AGBL5: variants seen among roughly 807,000 people sequenced by gnomAD.
AGBL5 encodes the protein cytosolic carboxypeptidase-like protein 5.
AGBL5 carries 51 observed loss-of-function variants against 88.0 expected under a neutral mutation model. That is an observed-to-expected ratio of 0.58 (90% confidence interval 0.46 to 0.73). The LOEUF (loss-of-function observed/expected upper bound fraction) is 0.73. Among genes scored for constraint, AGBL5 ranks in the 30% least tolerant of loss-of-function variants. The pLI, the probability that AGBL5 is intolerant of heterozygous loss-of-function variation, is 0.00. For missense variants in AGBL5, 1,031 were observed against 1,162.2 expected (o/e 0.89, Z 1.64); for synonymous variants, 446 against 438.8 (o/e 1.02, Z -0.21).
chr2:27,057,119 G>C, intron 8 of AGBL5, 184 bp from the exon 9 acceptor site: 1 of 624,522 alleles, frequency 1.6e-6, no homozygotes. Context: ...TCTACCTTGG[G>C]GGGACTCTCT....
intron 9 of AGBL5, 92 bp from the exon 10 acceptor site, chr2:27,058,308 C>T: frequency 6.9e-7 from 1 of 1,447,974 alleles, no homozygotes; most frequent in Non-Finnish European, 9.7e-7. Flanking sequence ...GGTCTGGCCC[C>T]TCCTTCCCTT....
At chr2:27,068,114 G>A (rs1237156146) in intron 12 of AGBL5, among the ~76,000 whole-genome samples, 2 of 152,158 alleles carry the variant, frequency 1.3e-5, no homozygotes, top group Non-Finnish European at 2.9e-5. Context: ...AGAAAGGGAT[G>A]GGAATGATTT....
chr2:27,068,946 C>T, intron 13 of AGBL5: 1 of 1,495,544 alleles, frequency 6.7e-7, no homozygotes, highest in Non-Finnish European at 8.9e-7. Flanking sequence ...AGGTCATTTG[C>T]TTGCTTTCAA....
chr2:27,068,566 G>T, intron 12 of AGBL5, 66 bp from the exon 13 acceptor site: 2 of 1,442,650 alleles, frequency 1.4e-6, no homozygotes, highest in South Asian at 2.4e-5. Flanking sequence ...AAGAAACCCT[G>T]ATCCTTTGGA....
chr2:27,051,598 A>T (rs948384067), upstream of AGBL5: 1 of 152,266 alleles, frequency 6.6e-6, no homozygotes, highest in Non-Finnish European at 1.5e-5. Context: ...GACCAATGGT[A>T]GCGAGCTTTA....
At chr2:27,067,035 A>G (rs1298774583) in intron 11 of AGBL5, among the ~76,000 whole-genome samples, 1 of 151,862 alleles carries the variant, frequency 6.6e-6, no homozygotes, top group Non-Finnish European at 1.5e-5. Context: ...GTGAACCAAG[A>G]TCGCACCACC....
intron 11 of AGBL5, among the ~76,000 whole-genome samples, chr2:27,066,234 C>CAAAA (rs5830033): frequency 2.4e-5 from 2 of 84,432 alleles, no homozygotes; most frequent in African/African-American, 4.3e-5. Context: ...ACCCTGTCTC[C>CAAAA]AAAAAAAAAA....
intron 11 of AGBL5, among the ~76,000 whole-genome samples, chr2:27,060,091 G>C (rs916344181): frequency 2.0e-5 from 3 of 152,384 alleles, no homozygotes; most frequent in Non-Finnish European, 2.9e-5. Context: ...AGAAGTTGCA[G>C]TGAGCCAAGA....
At chr2:27,056,954 C>T in intron 8 of AGBL5, 162 bp downstream of exon 8, 1 of 690,800 alleles carries the variant, frequency 1.4e-6, no homozygotes, top group Non-Finnish European at 2.2e-6. Context: ...CGAGATCGTG[C>T]CATTGCACTC....
In AGBL5 at chr2:27,055,197, C is replaced by G. The variant is rs373322749; in HGVS notation, c.852C>G (p.Phe284Leu). The G allele has an allele frequency of 1.3e-5, 21 of 1,614,074 alleles. No homozygotes were observed. The highest frequency in any genetic ancestry group is 1.8e-5 in the Non-Finnish European group (21 of 1,180,038). Residue 284 changes from phenylalanine to leucine, a missense_variant, in exon 6 of 15, where the codon TTC becomes TTG. Around this residue, in one of 2 missense-constraint regions of AGBL5, gnomAD observed 540 missense variants for 678.2 expected, o/e 0.80. Coordinates refer to ENST00000360131, the MANE Select transcript of AGBL5 (RefSeq NM_021831.6). The part of the protein sequence containing the change: ...DPRAQTLRRL[F>L]VFKLIPMLNP... ...GGGCCCAAACCCTCCGTCGCCTCTTCGTCTTTAAGCTGATTCCCATGTTGA... is the reference window on the plus strand; with the variant it reads ...GGGCCCAAACCCTCCGTCGCCTCTTGGTCTTTAAGCTGATTCCCATGTTGA...
In AGBL5 at chr2:27,067,480, T is replaced by C. The variant is rs538625425; in HGVS notation, c.2090-14T>C. ...TTATTTGCCCTTTTATCTGCTTGTA[T>C]CTCTTCCACTCAGAGCCCCGAAGCC... On this transcript the variant is annotated splice_polypyrimidine_tract_variant and intron_variant, in intron 11 of 14. Transcript: ENST00000360131. 1.2e-6 allele frequency: 2 copies of C among 1,612,104 alleles called. No homozygotes were observed. Among genetic ancestry groups the C allele is most frequent in the African/African-American group, 1.3e-5 (1 of 74,912 alleles).
In AGBL5 at chr2:27,053,075, G is replaced by C. The variant is rs368039686; in HGVS notation, c.117G>C (p.Ala39=). 1.2e-6 allele frequency: 2 copies of C among 1,613,522 alleles called. No individual in the cohort carries two copies. Among genetic ancestry groups the C allele is most frequent in the East Asian group, 4.5e-5 (2 of 44,854 alleles). Residue 39 remains alanine (A), a synonymous_variant, in exon 2 of 15, where the codon GCG becomes GCC. Coordinates refer to ENST00000360131, the MANE Select transcript of AGBL5 (RefSeq NM_021831.6). This position sits in a 1 kb window ranked among gnomAD's most constrained non-coding sequence, Gnocchi z 4.9. ...SSDGEGVGGG[A]SALTSGIASS... is the part of the protein sequence containing the mutation. ...ATGGGGAAGGGGTAGGAGGTGGGGC[G>C]TCAGCCCTGACCAGTGGCATTGCCT...
chr2:27,067,126 A>C (rs1467583547), intron 11 of AGBL5, among the ~76,000 whole-genome samples: 1 of 151,906 alleles, frequency 6.6e-6, no homozygotes, highest in Non-Finnish European at 1.5e-5. Context: ...GGTGGCGGGC[A>C]CCTATAGTGC....
chr2:27,060,454 T>TA (rs1395675394), intron 11 of AGBL5, among the ~76,000 whole-genome samples: 1 of 152,210 alleles, frequency 6.6e-6, no homozygotes, highest in Non-Finnish European at 1.5e-5. Context: ...CTTCTGGAAA[T>TA]ACGCTAAACC....
At chr2:27,058,072 C>A (rs971769880) in intron 9 of AGBL5, among the ~76,000 whole-genome samples, 1 of 149,572 alleles carries the variant, frequency 6.7e-6, no homozygotes, top group Admixed American at 6.6e-5. Flanking sequence ...ATCAAGATGC[C>A]GTCTCAAAAA....
chr2:27,054,755 A>C lies in AGBL5; in HGVS notation c.677A>C (p.Gln226Pro). Residue 226 changes from glutamine (Q) to proline (P), a missense_variant, in exon 5 of 15, where the codon CAG (glutamine) becomes CCG (proline). By Grantham distance (76) the Gln-to-Pro change is moderately conservative. This residue lies in a region of AGBL5 where 540 missense variants were observed against 678.2 expected (regional missense o/e 0.80). Coordinates refer to ENST00000360131, the MANE Select transcript of AGBL5 (RefSeq NM_021831.6). ...GAAGATCGAGAGCCCCGTCTAGAGC[A>C]GCTATTTCCTGATACCAGCACCCCT... The part of the protein sequence containing the change: ...LREDREPRLE[Q>P]LFPDTSTPRP... The C allele has an allele frequency of 6.2e-7, 1 of 1,613,892 alleles. No homozygotes were observed.
At chr2:27,066,955 C>T (rs975469006) in intron 11 of AGBL5, among the ~76,000 whole-genome samples, 1 of 151,794 alleles carries the variant, frequency 6.6e-6, no homozygotes, top group Non-Finnish European at 1.5e-5. Flanking sequence ...TGGTGGCATG[C>T]GCCTGTAATC....
intron 11 of AGBL5, among the ~76,000 whole-genome samples, chr2:27,060,831 G>A (rs552059714): frequency 1.7e-4 from 26 of 152,314 alleles, no homozygotes; most frequent in African/African-American, 6.3e-4. Flanking sequence ...AATGCCTTAT[G>A]TTTACATAGC....
rs183254457 is a variant in AGBL5, at chr2:27,064,817, G to A, written c.2090-2677G>A. Among the ~76,000 whole-genome samples the A allele has an allele frequency of 1.2e-3, 152 of 125,530 alleles. 1 individual carries two copies. The highest frequency in any genetic ancestry group is 4.5e-3 in the African/African-American group (146 of 32,392). The allele number at this position is 125,530 out of a possible 152,430, so 82.4% of individuals were successfully genotyped here. A position where few individuals can be genotyped will look rare whatever the true frequency, so the allele number is the denominator to read the frequency against. On this transcript the variant is annotated intron_variant, in intron 11 of 14. Transcript: ENST00000360131. Reference sequence around the variant, plus strand: ...TCGCCCAGGCTGGAGTGCAGTGGCCGATCTCAGCTCACTGCAATCTCCGCT... The same window carrying A: ...TCGCCCAGGCTGGAGTGCAGTGGCCAATCTCAGCTCACTGCAATCTCCGCT...
Sources: gnomAD v4.1 joint callset for allele counts (sites outside exome capture counted in the v4.1 genomes callset) on GRCh38, gnomAD v4.1.1 for gene constraint, gnomAD v4.1.1 regional missense constraint, Gnocchi (gnomAD v3.1) non-coding constraint, MANE v1.5 for transcripts, NCBI Gene and HGNC (gene_info 2026-07-23, HGNC 2026-07-21) for gene names.